Variants in STK3 observed in about 807,000 individuals in gnomAD.
The protein encoded by STK3 is serine/threonine-protein kinase 3.
In STK3, 41 loss-of-function variants were observed where a neutral mutation model predicts 58.0. The observed-to-expected ratio is 0.71, with a 90% CI of 0.55 to 0.92. The LOEUF (loss-of-function observed/expected upper bound fraction) is 0.92, where lower values mean the gene tolerates loss of function less well. Ranked by LOEUF, STK3 falls within the 40% of genes least tolerant of loss-of-function variation. The pLI, the probability that STK3 is intolerant of heterozygous loss-of-function variation, is 0.00. For synonymous variants in STK3, 170 were observed against 191.0 expected (o/e 0.89, Z 0.91); for missense variants, 479 against 602.7 (o/e 0.79, Z 2.15).
intron 1 of STK3, among the ~76,000 whole-genome samples, chr8:98,808,928 G>A (rs528532567): frequency 5.9e-5 from 9 of 152,124 alleles, no homozygotes; most frequent in Non-Finnish European, 1.0e-4. Flanking sequence ...CCAGGGAGGG[G>A]AGAAGGACTA....
At chr8:98,852,343 A>G (rs1836504474) in intron 3 of STK3, among the ~76,000 whole-genome samples, 1 of 152,142 alleles carries the variant, frequency 6.6e-6, no homozygotes, top group African/African-American at 2.4e-5. Flanking sequence ...CATGTTGTCC[A>G]GGCTGGTCTC....
intron 3 of STK3, among the ~76,000 whole-genome samples, chr8:98,764,814 T>TA (rs1284092887): frequency 2.6e-5 from 4 of 152,066 alleles, no homozygotes; most frequent in African/African-American, 9.7e-5. Context: ...AACAGGCACT[T>TA]AAAAGAGAAA....
Position 98,641,448 on chromosome 8 carries a change from T to C in STK3, c.685-45279A>G, listed in dbSNP as rs187387694. Among the ~76,000 whole-genome samples, 790 of 152,318 alleles carry C rather than the reference T, an allele frequency of 5.2e-3. 4 individuals carry two copies. The highest frequency in any genetic ancestry group is 9.4e-3 in the Non-Finnish European group (642 of 68,020). ...GAACATTCTTAAATATTAAGACTTT[T>C]ATCTTTGGCATACAGGATTCATTCA... is the stretch of plus-strand genomic sequence containing the variant. On this transcript the variant is annotated intron_variant, in intron 6 of 10. Transcript: ENST00000419617.
rs373136201 is a variant in STK3, at chr8:98,934,449, C to A, written c.-79+7929G>T. On this transcript the variant is annotated intron_variant, in intron 1 of 1. Transcript: ENST00000519420. ...CCACTCTAAGAAGAAAGCTGCATATCGGAAGCCACAACTAAGAGTGAACAA... is the reference window on the plus strand; with the variant it reads ...CCACTCTAAGAAGAAAGCTGCATATAGGAAGCCACAACTAAGAGTGAACAA... Among the ~76,000 whole-genome samples the A allele has an allele frequency of 6.8e-4, 103 of 152,290 alleles. 2 individuals are homozygous for A. In the South Asian group the frequency reaches 0.016, roughly 24 times the overall value.
At chr8:98,503,542 G>A (rs80186131) in intron 10 of STK3, among the ~76,000 whole-genome samples, 1 of 152,176 alleles carries the variant, frequency 6.6e-6, no homozygotes, top group Non-Finnish European at 1.5e-5. Context: ...GGCATTTAGT[G>A]CTATAAATTT....
intron 1 of STK3, among the ~76,000 whole-genome samples, chr8:98,916,709 C>T (rs1259648225): frequency 2.6e-5 from 4 of 152,188 alleles, no homozygotes; most frequent in African/African-American, 9.7e-5. Flanking sequence ...GATCACTGTT[C>T]TAGGCTCTGG....
intron 3 of STK3, among the ~76,000 whole-genome samples, chr8:98,869,254 C>G (rs1837273680): frequency 6.6e-6 from 1 of 152,024 alleles, no homozygotes; most frequent in Non-Finnish European, 1.5e-5. Flanking sequence ...AACACAATCT[C>G]TACCAAAAAT....
At chr8:98,819,653 T>C (rs1834764164) in intron 1 of STK3, among the ~76,000 whole-genome samples, 1 of 152,202 alleles carries the variant, frequency 6.6e-6, no homozygotes, top group Admixed American at 6.5e-5. Flanking sequence ...ACCTCTAGAA[T>C]TGGAAATTTT....
chr8:98,558,081 TTTC>T (rs542384575), intron 8 of STK3, among the ~76,000 whole-genome samples: 15 of 152,102 alleles, frequency 9.9e-5, no homozygotes, highest in Non-Finnish European at 2.1e-4. Context: ...AACCGTGACA[TTTC>T]TTTTTTCTTT....
At chr8:98,799,402 CAG>C (rs573408682) in intron 1 of STK3, among the ~76,000 whole-genome samples, 2 of 151,020 alleles carry the variant, frequency 1.3e-5, no homozygotes, top group South Asian at 4.2e-4. Context: ...GGGGAAGAGA[CAG>C]AGAGAAAAAG....
At chr8:98,803,657 T>C (rs961201383) in intron 1 of STK3, among the ~76,000 whole-genome samples, 21 of 151,680 alleles carry the variant, frequency 1.4e-4, no homozygotes, top group Non-Finnish European at 1.5e-5. Context: ...TTAATCAGTC[T>C]TATCCCTGTG....
chr8:98,354,385 T>C, the STK3 span, among the ~76,000 whole-genome samples: 4 of 152,160 alleles, frequency 2.6e-5, no homozygotes, highest in African/African-American at 9.7e-5. Context: ...CTCCTCTCCT[T>C]CCTTCACCAG....
intron 2 of STK3, among the ~76,000 whole-genome samples, chr8:98,376,481 G>A (rs549917397): frequency 6.6e-6 from 1 of 151,740 alleles, no homozygotes; most frequent in African/African-American, 2.4e-5. Flanking sequence ...CATGTCTAAG[G>A]GCTCATTGCC....
In STK3 at chr8:98,454,878, G is replaced by A. The variant is rs776186044; in HGVS notation, c.*964C>T. ...GTTTTTGCTACTGGGTTATCATCAG[G>A]AACATGATGTTTACCAATTCCCAGG... On this transcript the variant is annotated 3_prime_UTR_variant, in exon 11 of 11. Coordinates refer to ENST00000419617, the MANE Select transcript of STK3 (RefSeq NM_006281.4). 5.3e-5 allele frequency: 8 copies of A among 151,992 alleles called. No homozygotes were observed. The highest frequency in any genetic ancestry group is 1.9e-4 in the African/African-American group (8 of 41,244). 9.4% of individuals were successfully genotyped at this position (151,992 alleles called of 1,614,324 possible).
At chr8:98,680,099 C>A (rs544342376) in intron 6 of STK3, among the ~76,000 whole-genome samples, 3 of 152,272 alleles carry the variant, frequency 2.0e-5, no homozygotes, top group South Asian at 4.1e-4. Flanking sequence ...ATATAACTTT[C>A]CTTATGCAAA....
rs1825769999 is a variant in STK3 at position 98,526,764 on chromosome 8, G to C, written c.1295C>G (p.Pro432Arg). 1.9e-6 allele frequency: 3 copies of C among 1,571,400 alleles called. No homozygotes were observed. In the South Asian group the frequency reaches 3.6e-5, roughly 19 times the overall value. ...TACAAAGTCAAAGTCTCCATCTTGA[G>C]GAACTTTCCAGTTATCAGGAAAAAC... ...KNVFPDNWKV[P>R]QDGDFDFLKN... is the part of the protein sequence containing the mutation. The change falls in exon 10 of 11, where the codon CCT (proline) becomes CGT (arginine). Residue 432 changes from proline (P) to arginine (R), a missense_variant. Pro to Arg is a moderately radical substitution (Grantham distance 103). Around this residue, in one of 3 missense-constraint regions of STK3, gnomAD observed 309 missense variants for 355.7 expected, o/e 0.87. Transcript: ENST00000419617.
intron 9 of STK3, among the ~76,000 whole-genome samples, chr8:98,543,922 G>A (rs1332366760): frequency 1.3e-5 from 2 of 152,152 alleles, no homozygotes; most frequent in Admixed American, 6.5e-5. Context: ...CCATATCAAA[G>A]TTTTCCAGGA....
At chr8:98,851,634 GAGA>G (rs1318838444) in intron 3 of STK3, among the ~76,000 whole-genome samples, 6 of 152,182 alleles carry the variant, frequency 3.9e-5, no homozygotes, top group African/African-American at 1.4e-4. Context: ...GGAGAAGACA[GAGA>G]AGGATGAGGA....
downstream of STK3, among the ~76,000 whole-genome samples, chr8:98,368,892 G>T (rs544610703): frequency 3.9e-5 from 6 of 152,194 alleles, no homozygotes; most frequent in South Asian, 1.2e-3. Context: ...TGGCCTCAAG[G>T]GCACTGGCAT....
Sources: gnomAD v4.1 joint callset for allele counts (sites outside exome capture counted in the v4.1 genomes callset) on GRCh38, gnomAD v4.1.1 for gene constraint, gnomAD v4.1.1 regional missense constraint, MANE v1.5 for transcripts, NCBI Gene and HGNC (gene_info 2026-07-23, HGNC 2026-07-21) for gene names.